PSME4: variants seen among roughly 807,000 people sequenced by gnomAD.
PSME4 encodes the protein proteasome activator subunit 4, also known as proteasome activator complex subunit 4.
PSME4 carries 89 observed loss-of-function variants against 253.9 expected under a neutral mutation model. The observed-to-expected ratio is 0.35, with a 90% CI of 0.30 to 0.42. PSME4 has a LOEUF of 0.42. PSME4 is among the 10% of genes least tolerant of loss of function. PSME4 has a pLI of 1.00. For missense variants in PSME4, 2,014 were observed against 2,195.2 expected (o/e 0.92, Z 1.65); for synonymous variants, 851 against 759.2 (o/e 1.12, Z -1.99).
intron 37 of PSME4, 118 bp downstream of exon 37, chr2:53,889,986 T>C: frequency 1.2e-6 from 1 of 803,810 alleles, no homozygotes; most frequent in Non-Finnish European, 2.0e-6. Flanking sequence ...ATAAAAACAA[T>C]TAAAAAACAA....
intron 1 of PSME4, among the ~76,000 whole-genome samples, chr2:53,957,550 G>C (rs1177692801): frequency 3.3e-5 from 5 of 152,154 alleles, no homozygotes; most frequent in African/African-American, 9.7e-5. Flanking sequence ...TCTGAGAGGA[G>C]GCAGAGCTCA....
Position 53,901,386 on chromosome 2 carries a change from A to C in PSME4, c.3249T>G (p.Ile1083Met). 1.3e-5 allele frequency: 21 copies of C among 1,614,100 alleles called. No individual in the cohort carries two copies. Among genetic ancestry groups the C allele is most frequent in the Non-Finnish European group, 1.8e-5 (21 of 1,179,950 alleles). The change falls in exon 28 of 47, where the codon ATT becomes ATG. Residue 1083 changes from isoleucine to methionine, a missense_variant. Ile to Met is a conservative substitution (Grantham distance 10, BLOSUM62 1). Around this residue, in one of 4 missense-constraint regions of PSME4, gnomAD observed 989 missense variants for 1,021.1 expected, o/e 0.97. Transcript: ENST00000404125. ...VRLFDDLAEK[I>M]HRQYETIGLD... ...AGCCAATTGTTTCATACTGCCTATG[A>C]ATCTTTTCTGCAAGATCATCAAACA...
intron 43 of PSME4, among the ~76,000 whole-genome samples, chr2:53,873,259 A>AG (rs1491096311): frequency 1.3e-5 from 2 of 151,864 alleles, no homozygotes; most frequent in East Asian, 3.9e-4. Context: ...AAAAAAAAAA[A>AG]CAGTTGTTAT....
chr2:53,936,697 A>G (rs1669132295), intron 6 of PSME4, 67 bp downstream of exon 6: 1 of 1,171,184 alleles, frequency 8.5e-7, no homozygotes, highest in Non-Finnish European at 1.2e-6. Context: ...CCAAATTAAA[A>G]AAGTATGGGG....
intron 3 of PSME4, among the ~76,000 whole-genome samples, chr2:53,943,608 A>G (rs1452388247): frequency 6.6e-6 from 1 of 152,182 alleles, no homozygotes; most frequent in Admixed American, 6.6e-5. Flanking sequence ...TGGGAAGCCG[A>G]GGCGGGTGGA....
chr2:53,929,043 G>A (rs1050871791), intron 10 of PSME4, among the ~76,000 whole-genome samples: 1 of 152,030 alleles, frequency 6.6e-6, no homozygotes, highest in African/African-American at 2.4e-5. Context: ...GTGCATGCCT[G>A]TAATCCAAGC....
At chr2:53,956,570 T>G (rs1670244850) in intron 1 of PSME4, among the ~76,000 whole-genome samples, 1 of 151,582 alleles carries the variant, frequency 6.6e-6, no homozygotes, top group African/African-American at 2.4e-5. Context: ...TAAACAGGAA[T>G]TATTATTCTA....
At chr2:53,936,577 T>C (rs1669125488) in intron 6 of PSME4, among the ~76,000 whole-genome samples, 187 bp downstream of exon 6, 2 of 142,710 alleles carry the variant, frequency 1.4e-5, no homozygotes, top group African/African-American at 5.0e-5. Context: ...ATACTTTTGT[T>C]AGAATACAAC....
At chr2:53,888,143 TGAA>T in intron 38 of PSME4, 154 bp from the exon 39 acceptor site, 1 of 643,234 alleles carries the variant, frequency 1.6e-6, no homozygotes, top group East Asian at 3.4e-5. Flanking sequence ...AGCCTCTTTA[TGAA>T]GATTTTATTT....
chr2:53,966,501 A>C (rs951933057), intron 1 of PSME4, among the ~76,000 whole-genome samples: 3 of 151,986 alleles, frequency 2.0e-5, no homozygotes, highest in Non-Finnish European at 4.4e-5. Context: ...GTCTCTACTA[A>C]AAATACAAAA....
At chr2:53,873,690 T>G (rs1283145023) in intron 43 of PSME4, among the ~76,000 whole-genome samples, 3 of 152,222 alleles carry the variant, frequency 2.0e-5, no homozygotes, top group African/African-American at 7.2e-5. Flanking sequence ...GTCTACTGGA[T>G]AGCAGCGCCT....
At chr2:53,961,392 G>A (rs1356872609) in intron 1 of PSME4, among the ~76,000 whole-genome samples, 2 of 152,162 alleles carry the variant, frequency 1.3e-5, no homozygotes, top group Non-Finnish European at 2.9e-5. Flanking sequence ...AGAGGCGCTA[G>A]GTGCAGTGGC....
At chr2:53,881,941 T>C (rs1210676140) in intron 41 of PSME4, among the ~76,000 whole-genome samples, 2 of 152,136 alleles carry the variant, frequency 1.3e-5, no homozygotes, top group Admixed American at 1.3e-4. Flanking sequence ...CTTTGTAAGC[T>C]ATTCTTGGTT....
At chr2:53,881,696 T>C (rs1039231650) in intron 41 of PSME4, among the ~76,000 whole-genome samples, 7 of 152,072 alleles carry the variant, frequency 4.6e-5, no homozygotes, top group Non-Finnish European at 1.0e-4. Context: ...GTGATTCTCC[T>C]GTCTCAGACC....
At chr2:53,884,760 G>T (rs1573213048) in intron 41 of PSME4, among the ~76,000 whole-genome samples, 2 of 152,110 alleles carry the variant, frequency 1.3e-5, no homozygotes, top group East Asian at 3.9e-4. Flanking sequence ...AGACCTATAG[G>T]TAAGAAGGAC....
chr2:53,918,301 T>C, intron 20 of PSME4, among the ~76,000 whole-genome samples: 1 of 152,194 alleles, frequency 6.6e-6, no homozygotes, highest in Non-Finnish European at 1.5e-5. Flanking sequence ...TTATTATCTA[T>C]CTGTTTAATA....
In PSME4 at chr2:53,897,864, A is replaced by T. The variant is rs185717216; in HGVS notation, c.3606+6T>A. On this transcript the variant is annotated splice_donor_region_variant and intron_variant, in intron 31 of 46. Transcript: ENST00000404125. ...CCCAAGACTGTAGCTAAAACAAGGT[A>T]TGTACCTTTCGAACTACAATTGCAT... The T allele has an allele frequency of 1.5e-4, 242 of 1,613,308 alleles. 2 individuals are homozygous for T. The African/African-American group carries it at 2.5e-3, about 16-fold the overall frequency.
chr2:53,894,075 G>C (rs1680032214), intron 34 of PSME4, among the ~76,000 whole-genome samples: 2 of 152,022 alleles, frequency 1.3e-5, no homozygotes, highest in Non-Finnish European at 2.9e-5. Context: ...GGGAAATGAA[G>C]ACTGAAAGCC....
At chr2:53,931,599 C>T (rs186952755) in intron 10 of PSME4, among the ~76,000 whole-genome samples, 3 of 152,300 alleles carry the variant, frequency 2.0e-5, no homozygotes, top group Admixed American at 2.0e-4. Flanking sequence ...ATTTTGGTAA[C>T]TAAAATGTGT....
Sources: allele counts gnomAD v4.1 joint callset (sites outside exome capture counted in the v4.1 genomes callset), GRCh38; gene constraint gnomAD v4.1.1; regional missense constraint gnomAD v4.1.1; transcripts MANE v1.5; gene names NCBI Gene and HGNC (gene_info 2026-07-23, HGNC 2026-07-21).